The following CHL1 variants were observed in gnomAD, a reference collection of about 807,000 sequenced individuals.
The protein encoded by CHL1 is neural cell adhesion molecule L1-like protein.
Under a neutral mutation model 141.9 loss-of-function variants are expected in CHL1, and 96 were observed. That is an observed-to-expected ratio of 0.68 (90% CI 0.57 to 0.80). The LOEUF (loss-of-function observed/expected upper bound fraction) is 0.80. CHL1 is among the 30% of genes least tolerant of loss of function. CHL1 has a pLI of 0.00. For synonymous variants in CHL1, 613 were observed against 502.2 expected (o/e 1.22, Z -2.95); for missense variants, 1,820 against 1,457.2 (o/e 1.25, Z -4.05).
At position 197,631 on chromosome 3, in the gene CHL1, G is replaced by GA. The variant is rs1273867591; in HGVS notation, c.-175+568_-175+569insA. On this transcript the variant is annotated intron_variant, in intron 1 of 27. Coordinates refer to ENST00000256509, the MANE Select transcript of CHL1 (RefSeq NM_006614.4). The stretch of plus-strand genomic sequence containing the variant: ...AGGAGAGGATTCTAGATCCCAGCCC[G>GA]GGGGGGGTTCCGAAAATGCCGCCAG... 61 of 257,540 alleles carry GA rather than the reference G, an allele frequency of 2.4e-4. No homozygotes were observed. The East Asian group carries it at 6.9e-3, about 29-fold the overall frequency. The allele number at this position is 257,540 out of a possible 1,614,324, so 16.0% of individuals were successfully genotyped here.
intron 2 of CHL1, among the ~76,000 whole-genome samples, chr3:319,291 A>G (rs1001303524): frequency 2.0e-5 from 3 of 151,770 alleles, no homozygotes; most frequent in Non-Finnish European, 4.4e-5. Context: ...TACCTGAGTG[A>G]TGGAATCATG....
intron 1 of CHL1, among the ~76,000 whole-genome samples, chr3:204,456 T>C (rs971093426): frequency 3.3e-5 from 5 of 152,248 alleles, no homozygotes; most frequent in African/African-American, 1.2e-4. Flanking sequence ...AATGCACTGG[T>C]TGCATCTTAA....
Position 391,712 on chromosome 3 carries a change from T to A in CHL1, c.2829T>A (p.Val943=), listed in dbSNP as rs1458962391. ...CAACTTTTCTAAAGGTCATCAAAGT[T>A]GATAAAGACACTGCCACTTTATCTT... ...EQPTFLKVIK[V]DKDTATLSWG... The change falls in exon 23 of 28, where the codon GTT becomes GTA. Residue 943 remains valine, a synonymous_variant. Transcript: ENST00000256509. 6.2e-7 allele frequency: 1 copy of A among 1,606,084 alleles called. No individual in the cohort carries two copies. The highest frequency in any genetic ancestry group is 2.2e-5 in the East Asian group (1 of 44,712).
At chr3:309,735 G>C (rs992950446) in intron 2 of CHL1, among the ~76,000 whole-genome samples, 1 of 152,086 alleles carries the variant, frequency 6.6e-6, no homozygotes, top group Non-Finnish European at 1.5e-5. Context: ...AACTGGTCTT[G>C]AACTCCTGGC....
chr3:326,831 T>C (rs891432518), intron 4 of CHL1, among the ~76,000 whole-genome samples: 2 of 151,900 alleles, frequency 1.3e-5, no homozygotes, highest in African/African-American at 2.4e-5. Context: ...TTAATGAAAA[T>C]TGATGATTTT....
intron 17 of CHL1, 78 bp downstream of exon 17, chr3:382,358 T>A: frequency 6.8e-7 from 1 of 1,468,742 alleles, no homozygotes; most frequent in Non-Finnish European, 9.5e-7. Flanking sequence ...TAACCACTCT[T>A]ACTGGTTTAT....
At chr3:249,257 T>C (rs1245650250) in intron 2 of CHL1, among the ~76,000 whole-genome samples, 2 of 152,284 alleles carry the variant, frequency 1.3e-5, no homozygotes, top group South Asian at 2.1e-4. Context: ...CATTAAAAAC[T>C]AAATCAAAGC....
In CHL1 at chr3:309,986, AC is replaced by A. The variant is rs200194674; in HGVS notation, c.-94-9695del. Among the ~76,000 whole-genome samples, 360 of 152,308 alleles carry A rather than the reference AC, an allele frequency of 2.4e-3. 4 individuals carry two copies. The highest frequency in any genetic ancestry group is 8.0e-3 in the African/African-American group (334 of 41,562). ...TCTATTAATGGAAAATAAGGGACAG[AC>A]CTTTCAGCTTACCTGGAAGTGCCTC... On this transcript the variant is annotated intron_variant, in intron 2 of 27. Transcript: ENST00000256509.
At position 253,712 on chromosome 3, in the gene CHL1, T is replaced by C. The variant is rs763122166; in HGVS notation, c.-95+9020T>C. On this transcript the variant is annotated intron_variant, in intron 2 of 27. Transcript: ENST00000256509. The stretch of plus-strand genomic sequence containing the variant: ...TTCTCCCAATTACTAAAATGTAAGC[T>C]CTATTTGAACAAAAACTTGCAGTAC... 4.5e-4 allele frequency among the ~76,000 whole-genome samples: 69 copies of C among 152,312 alleles called. 1 individual carries two copies. In the Middle Eastern group the frequency reaches 0.014, roughly 30 times the overall value.
At chr3:378,014 T>G in intron 16 of CHL1, 72 bp downstream of exon 16, 5 of 1,344,268 alleles carry the variant, frequency 3.7e-6, no homozygotes, top group Non-Finnish European at 4.0e-6. Flanking sequence ...TCCTGGCCAA[T>G]AAAGCTAATG....
chr3:300,834 G>C (rs893389131), intron 2 of CHL1, among the ~76,000 whole-genome samples: 6 of 152,150 alleles, frequency 3.9e-5, no homozygotes, highest in Non-Finnish European at 5.9e-5. Flanking sequence ...AGAAAGTGCA[G>C]CTGTGTTAAG....
intron 1 of CHL1, among the ~76,000 whole-genome samples, chr3:239,793 T>A (rs1395177610): frequency 1.3e-5 from 2 of 151,962 alleles, no homozygotes; most frequent in Non-Finnish European, 2.9e-5. Context: ...GTCATTCTTA[T>A]GCCTTTGCAT....
At chr3:371,409 C>T (rs147246730) in intron 15 of CHL1, among the ~76,000 whole-genome samples, 79 of 152,232 alleles carry the variant, frequency 5.2e-4, no homozygotes, top group African/African-American at 1.8e-3. Context: ...TTTGTTTTGT[C>T]AGAGACTAGG....
Position 407,387 on chromosome 3 carries a change from T to A in CHL1, c.*1676T>A, listed in dbSNP as rs1709595099. The A allele has an allele frequency of 6.6e-6, 1 of 152,002 alleles. No individual in the cohort carries two copies. The highest frequency in any genetic ancestry group is 6.6e-5 in the Admixed American group (1 of 15,226). The allele number at this position is 152,002 out of a possible 1,614,324, so 9.4% of individuals were successfully genotyped here. A position where few individuals can be genotyped will look rare whatever the true frequency, so the allele number is the denominator to read the frequency against. ...TACTTGTCCTTTTGAACCTCACGAG[T>A]CATCCAGAATGTATAGACAGGAAAA... is the stretch of plus-strand genomic sequence containing the variant. On this transcript the variant is annotated 3_prime_UTR_variant, in exon 28 of 28. Transcript: ENST00000256509.
At chr3:209,658 GC>G (rs1210479633) in intron 1 of CHL1, among the ~76,000 whole-genome samples, 2 of 152,112 alleles carry the variant, frequency 1.3e-5, no homozygotes, top group South Asian at 2.1e-4. Flanking sequence ...TTGGTGTGCT[GC>G]ACCCATTAAC....
At chr3:386,599 C>T (rs1707739452) in intron 19 of CHL1, among the ~76,000 whole-genome samples, 1 of 152,082 alleles carries the variant, frequency 6.6e-6, no homozygotes, top group Non-Finnish European at 1.5e-5. Flanking sequence ...TTTAACTTTG[C>T]TCAGCAAAAT....
intron 2 of CHL1, among the ~76,000 whole-genome samples, chr3:281,912 C>G (rs190735835): frequency 6.6e-6 from 1 of 152,250 alleles, no homozygotes; most frequent in East Asian, 1.9e-4. Flanking sequence ...TTTGAATATA[C>G]AGTTTATCTC....
intron 6 of CHL1, among the ~76,000 whole-genome samples, chr3:341,162 C>T (rs1410331599): frequency 6.6e-6 from 1 of 152,130 alleles, no homozygotes; most frequent in East Asian, 1.9e-4. Flanking sequence ...GTTTGTGTTG[C>T]TAGCTTCATC....
intron 27 of CHL1, among the ~76,000 whole-genome samples, chr3:402,619 T>C (rs1709231505): frequency 6.6e-6 from 1 of 152,232 alleles, no homozygotes; most frequent in South Asian, 2.1e-4. Flanking sequence ...GATTCATTAC[T>C]CTAGCAAGGG....
Sources: gnomAD v4.1 joint callset for allele counts (sites outside exome capture counted in the v4.1 genomes callset) on GRCh38, gnomAD v4.1.1 for gene constraint, MANE v1.5 for transcripts, NCBI Gene and HGNC (gene_info 2026-07-23, HGNC 2026-07-21) for gene names.